ATP13A3: variants seen among roughly 807,000 people sequenced by gnomAD.
ATP13A3 encodes the protein polyamine-transporting ATPase 13A3.
A neutral mutation model predicts 158.1 loss-of-function variants in ATP13A3; 59 were observed. The observed-to-expected ratio is 0.37, with a 90% CI of 0.30 to 0.46. ATP13A3 has a LOEUF of 0.46. Ranked by LOEUF, ATP13A3 falls within the 20% of genes least tolerant of loss-of-function variation. The pLI, the probability that ATP13A3 is intolerant of heterozygous loss-of-function variation, is 1.00. For missense variants in ATP13A3, 1,166 were observed against 1,525.2 expected (o/e 0.76, Z 3.92); for synonymous variants, 491 against 504.3 (o/e 0.97, Z 0.35).
chr3:194,493,808 G>A (rs754772457), intron 2 of ATP13A3, among the ~76,000 whole-genome samples: 3 of 151,960 alleles, frequency 2.0e-5, no homozygotes, highest in South Asian at 2.1e-4. Flanking sequence ...TCATCACAAC[G>A]ATGCCAACAC....
At chr3:194,440,515 T>C (rs1261863015) in intron 16 of ATP13A3, among the ~76,000 whole-genome samples, 1 of 151,926 alleles carries the variant, frequency 6.6e-6, no homozygotes, top group East Asian at 1.9e-4. Flanking sequence ...CCATCCCCCA[T>C]CCCCCAACAA....
chr3:194,493,141 A>AG (rs1721164975), intron 2 of ATP13A3, among the ~76,000 whole-genome samples: 1 of 151,596 alleles, frequency 6.6e-6, no homozygotes, highest in South Asian at 2.1e-4. Context: ...CTCTTAAAAA[A>AG]AAAAAAAAAA....
chr3:194,417,632 A>G (rs1276068372), intron 31 of ATP13A3, among the ~76,000 whole-genome samples: 1 of 152,024 alleles, frequency 6.6e-6, no homozygotes, highest in Admixed American at 6.5e-5. Context: ...CTAAAACACT[A>G]TTAGTCATAT....
chr3:194,440,508 T>G (rs2108862537), intron 16 of ATP13A3, among the ~76,000 whole-genome samples: 1 of 152,152 alleles, frequency 6.6e-6, no homozygotes, highest in East Asian at 1.9e-4. Flanking sequence ...GCAAGCACCA[T>G]CCCCCATCCC....
At chr3:194,425,205 G>T in intron 30 of ATP13A3, 137 bp downstream of exon 30, 1 of 863,726 alleles carries the variant, frequency 1.2e-6, no homozygotes. Context: ...AAACAAAACG[G>T]TAAACATCTA....
chr3:194,441,577 C>T (rs964842480), intron 15 of ATP13A3, 116 bp from the exon 16 acceptor site: 3 of 926,076 alleles, frequency 3.2e-6, no homozygotes, highest in Non-Finnish European at 4.8e-6. Context: ...CCAATCTGAG[C>T]TCCTAAGAAA....
At chr3:194,409,526 A>C (rs1186527941) in intron 33 of ATP13A3, among the ~76,000 whole-genome samples, 1 of 152,080 alleles carries the variant, frequency 6.6e-6, no homozygotes, top group Non-Finnish European at 1.5e-5. Flanking sequence ...GCTAGGCACA[A>C]ATGCTTCTAA....
At chr3:194,450,362 A>ACT in intron 10 of ATP13A3, 86 bp from the exon 11 acceptor site, 1 of 1,316,786 alleles carries the variant, frequency 7.6e-7, no homozygotes, top group Non-Finnish European at 1.1e-6. Flanking sequence ...AAGTCATCTG[A>ACT]TCTCAATAAG....
intron 6 of ATP13A3, among the ~76,000 whole-genome samples, chr3:194,458,525 G>A (rs555864969): frequency 4.0e-4 from 61 of 152,124 alleles, no homozygotes; most frequent in African/African-American, 1.4e-3. Flanking sequence ...GAGTATTTGG[G>A]ATTATAGCCA....
chr3:194,434,423 T>C (rs760370332), intron 20 of ATP13A3, among the ~76,000 whole-genome samples: 1 of 152,232 alleles, frequency 6.6e-6, no homozygotes, highest in African/African-American at 2.4e-5. Context: ...ATCAAGATGC[T>C]ATTCTTTAAA....
intron 31 of ATP13A3, among the ~76,000 whole-genome samples, chr3:194,417,446 A>C (rs868829689): frequency 9.5e-5 from 8 of 84,044 alleles, no homozygotes; most frequent in South Asian, 7.8e-4. Flanking sequence ...CACACACACA[A>C]AAGGAGGAAG....
chr3:194,448,434 A>G lies in ATP13A3; in HGVS notation c.1150+23T>C. The G allele has an allele frequency of 1.2e-6, 2 of 1,604,400 alleles. No homozygotes were observed. Among genetic ancestry groups the G allele is most frequent in the Non-Finnish European group, 1.7e-6 (2 of 1,171,592 alleles). The stretch of plus-strand genomic sequence containing the variant: ...CAAATATGCTGAAACATGCAAAAAG[A>G]GATTAATTAAGATGTTTCCTACCTG... On this transcript the variant is annotated intron_variant, in intron 12 of 33. Transcript: ENST00000645319. The surrounding 1 kb of genome is among the most constrained non-coding windows in gnomAD (Gnocchi z 4.0).
intron 31 of ATP13A3, among the ~76,000 whole-genome samples, chr3:194,417,985 A>AAGGAAGGAAGGAAGGAAGGAAGGG (rs1422778675): frequency 2.3e-5 from 2 of 88,304 alleles, no homozygotes; most frequent in African/African-American, 9.2e-5. Context: ...GGAAGGAAGG[A>AAGGAAGGAAGGAAGGAAGGAAGGG]AGGGAGGGAG....
chr3:194,439,113 A>T, intron 16 of ATP13A3, 141 bp from the exon 17 acceptor site: 2 of 547,444 alleles, frequency 3.7e-6, no homozygotes, highest in South Asian at 5.3e-5. Context: ...CCAAGGAACA[A>T]ATGAGCACTA....
At chr3:194,473,861 T>C (rs1720416093) in intron 2 of ATP13A3, among the ~76,000 whole-genome samples, 2 of 152,208 alleles carry the variant, frequency 1.3e-5, no homozygotes, top group Non-Finnish European at 2.9e-5. Flanking sequence ...GAAACCAAGA[T>C]AGAGCTATGT....
rs983941138 is a variant in ATP13A3 at position 194,413,846 on chromosome 3, T to C, written c.3403-7A>G. Reference sequence around the variant, plus strand: ...GATATGGTACACACACTATCTGTAATGCAAAAACATTTTAAAGTTAAAATT... The same window carrying C: ...GATATGGTACACACACTATCTGTAACGCAAAAACATTTTAAAGTTAAAATT... On this transcript the variant is annotated splice_region_variant and splice_polypyrimidine_tract_variant and intron_variant, in intron 31 of 33. Transcript: ENST00000645319. 1.2e-6 allele frequency: 2 copies of C among 1,609,832 alleles called. No homozygotes were observed. The highest frequency in any genetic ancestry group is 1.1e-5 in the South Asian group (1 of 90,982).
intron 22 of ATP13A3, 39 bp downstream of exon 22, chr3:194,431,678 T>C (rs1003626779): frequency 3.4e-6 from 5 of 1,456,298 alleles, no homozygotes; most frequent in Non-Finnish European, 3.6e-6. Flanking sequence ...TAAATTTAAA[T>C]CAACAAACTT....
At chr3:194,406,171 CGTTTTAAACAGGTTTGTT>C (rs1714915617) in intron 33 of ATP13A3, 55 bp from the exon 34 acceptor site, 1 of 1,569,820 alleles carries the variant, frequency 6.4e-7, no homozygotes, top group Non-Finnish European at 8.7e-7. Context: ...AAAGGCTTGT[CGTTTTAAACAGGTTTGTT>C]AAAGCACACA....
At chr3:194,473,817 T>C (rs1327397981) in intron 2 of ATP13A3, among the ~76,000 whole-genome samples, 1 of 152,156 alleles carries the variant, frequency 6.6e-6, no homozygotes, top group East Asian at 1.9e-4. Flanking sequence ...GAATAATTTA[T>C]GGAATTAAGG....
Sources: allele counts gnomAD v4.1 joint callset (sites outside exome capture counted in the v4.1 genomes callset), GRCh38; gene constraint gnomAD v4.1.1; non-coding constraint Gnocchi (gnomAD v3.1); transcripts MANE v1.5; gene names NCBI Gene and HGNC (gene_info 2026-07-23, HGNC 2026-07-21).